Variants in RAI1 observed in about 807,000 individuals in gnomAD.
The protein encoded by RAI1 is retinoic acid induced 1.
A neutral mutation model predicts 123.8 loss-of-function variants in RAI1; 9 were observed. That is an observed-to-expected ratio of 0.07 (90% CI 0.04 to 0.13). RAI1 has a LOEUF of 0.13. RAI1 is among the 10% of genes least tolerant of loss of function. The pLI is 1.00. For missense variants in RAI1, 2,256 were observed against 2,545.8 expected (o/e 0.89, Z 2.45); for synonymous variants, 1,231 against 1,127.3 (o/e 1.09, Z -1.84).
Position 17,714,321 on chromosome 17 carries a change from T to A in RAI1, c.-148-9707T>A, listed in dbSNP as rs1462822473. On this transcript the variant is annotated intron_variant, in intron 1 of 5. Coordinates refer to ENST00000353383, the MANE Select transcript of RAI1 (RefSeq NM_030665.4). The surrounding 1 kb of genome is among the most constrained non-coding windows in gnomAD (Gnocchi z 4.9). Reference sequence around the variant, plus strand: ...AGCAGCCCAGAGCCTGTGTCGGTGGTCATTCAGCTCTCGGGACAAAGCGTG... The same window carrying A: ...AGCAGCCCAGAGCCTGTGTCGGTGGACATTCAGCTCTCGGGACAAAGCGTG... 6.6e-6 allele frequency among the ~76,000 whole-genome samples: 1 copy of A among 152,032 alleles called. No individual in the cohort carries two copies. Among genetic ancestry groups the A allele is most frequent in the Admixed American group, 6.6e-5 (1 of 15,266 alleles).
rs1231017177 is a variant in RAI1, at chr17:17,811,437, A to G, written c.*1456A>G. ...AAAAAAAAAAGTCAATAAAGATACA[A>G]CGATTGTTTTGGAAAATCTGCAGCC... On this transcript the variant is annotated 3_prime_UTR_variant, in exon 6 of 6. Transcript: ENST00000353383. 3 of 232,822 alleles carry G rather than the reference A, an allele frequency of 1.3e-5. No individual in the cohort carries two copies. The highest frequency in any genetic ancestry group is 2.5e-5 in the African/African-American group (1 of 40,758). The allele number at this position is 232,822 out of a possible 1,614,324, so 14.4% of individuals were successfully genotyped here.
At chr17:17,688,817 C>G (rs1210534339) in intron 1 of RAI1, among the ~76,000 whole-genome samples, 1 of 152,074 alleles carries the variant, frequency 6.6e-6, no homozygotes, top group African/African-American at 2.4e-5. Flanking sequence ...TCAGGCTGGT[C>G]TCAAACTCCT....
chr17:17,749,512 T>C (rs760974997), intron 2 of RAI1, among the ~76,000 whole-genome samples: 4 of 152,270 alleles, frequency 2.6e-5, no homozygotes, highest in Non-Finnish European at 4.4e-5. Flanking sequence ...GAGAGGCTAT[T>C]AGCATGGCCA....
At chr17:17,694,815 C>T (rs1914961770) in intron 1 of RAI1, among the ~76,000 whole-genome samples, 2 of 150,704 alleles carry the variant, frequency 1.3e-5, no homozygotes, top group Non-Finnish European at 3.0e-5. Context: ...CGGCATGCTT[C>T]GCGGGGCCGC....
intron 2 of RAI1, among the ~76,000 whole-genome samples, chr17:17,776,125 G>A (rs1341692466): frequency 2.6e-5 from 4 of 152,190 alleles, no homozygotes; most frequent in African/African-American, 4.8e-5. Flanking sequence ...ATTGCAGGAC[G>A]CAGGGGAGCT....
intron 1 of RAI1, among the ~76,000 whole-genome samples, chr17:17,701,754 C>T (rs567990721): frequency 6.6e-6 from 1 of 152,308 alleles, no homozygotes; most frequent in South Asian, 2.1e-4. Context: ...CACCACCATG[C>T]CTGGTTGCCC....
chr17:17,700,781 C>T (rs1241997452), intron 1 of RAI1, among the ~76,000 whole-genome samples: 2 of 152,148 alleles, frequency 1.3e-5, no homozygotes, highest in Non-Finnish European at 2.9e-5. Context: ...TCCGCTCGCC[C>T]GCTCCCCGGC....
chr17:17,775,101 T>C (rs2031289193), intron 2 of RAI1, among the ~76,000 whole-genome samples: 2 of 152,132 alleles, frequency 1.3e-5, no homozygotes, highest in Admixed American at 1.3e-4. Context: ...ATGAAAACAT[T>C]GTAACACATG....
intron 2 of RAI1, among the ~76,000 whole-genome samples, chr17:17,776,069 G>T (rs2031333206): frequency 6.6e-6 from 1 of 152,214 alleles, no homozygotes; most frequent in African/African-American, 2.4e-5. Flanking sequence ...CCTCTTGGGG[G>T]CTGTTTCCTC....
At chr17:17,808,412 T>A (rs995636508) in intron 4 of RAI1, among the ~76,000 whole-genome samples, 42 of 50,952 alleles carry the variant, frequency 8.2e-4, no homozygotes, top group Middle Eastern at 7.5e-3. Flanking sequence ...TTATTTTATT[T>A]TATTATTTTA....
chr17:17,719,994 G>A (rs1029430526), intron 1 of RAI1, among the ~76,000 whole-genome samples: 15 of 152,148 alleles, frequency 9.9e-5, no homozygotes, highest in Non-Finnish European at 1.0e-4. Flanking sequence ...GCTTGAATGC[G>A]ACTTCTGGGT....
At chr17:17,789,829 G>A (rs1314022117) in intron 2 of RAI1, among the ~76,000 whole-genome samples, 1 of 152,192 alleles carries the variant, frequency 6.6e-6, no homozygotes, top group African/African-American at 2.4e-5. Context: ...CGGATGGATG[G>A]GAATGAGTGG....
intron 2 of RAI1, among the ~76,000 whole-genome samples, chr17:17,787,541 G>A (rs952247273): frequency 1.3e-5 from 2 of 152,222 alleles, no homozygotes; most frequent in Non-Finnish European, 2.9e-5. Context: ...CTTCCCTGGG[G>A]GGCCTAGGAA....
rs1253067893 is a variant in RAI1, at chr17:17,720,818, G to A, written c.-148-3210G>A. Among the ~76,000 whole-genome samples, 3 of 152,138 alleles carry A rather than the reference G, an allele frequency of 2.0e-5. No homozygotes were observed. The East Asian group carries it at 5.8e-4, about 29-fold the overall frequency. On this transcript the variant is annotated intron_variant, in intron 1 of 5. Coordinates refer to ENST00000353383, the MANE Select transcript of RAI1 (RefSeq NM_030665.4). Reference sequence around the variant, plus strand: ...TGATACCACTTGTGGAAGGGCCCTGGCCAGGTCAGGGTTTCCATCACCCTC... The same window carrying A: ...TGATACCACTTGTGGAAGGGCCCTGACCAGGTCAGGGTTTCCATCACCCTC...
chr17:17,803,972 G>A, intron 4 of RAI1, 123 bp downstream of exon 4: 2 of 944,528 alleles, frequency 2.1e-6, no homozygotes, highest in Admixed American at 3.9e-5. Context: ...CTCCTCTCTT[G>A]CCCCAGCAAT....
Position 17,809,442 on chromosome 17 carries a change from A to AG in RAI1, c.5709+7dup. The AG allele has an allele frequency of 6.3e-7, 1 of 1,594,230 alleles. No individual in the cohort carries two copies. Among genetic ancestry groups the AG allele is most frequent in the Non-Finnish European group, 8.6e-7 (1 of 1,162,166 alleles). On this transcript the variant is annotated splice_donor_region_variant and intron_variant, in intron 5 of 5. Transcript: ENST00000353383. This position sits in a 1 kb window ranked among gnomAD's most constrained non-coding sequence, Gnocchi z 4.9. ...CTTTGAAATGTCCCAAACATAAGGT[A>AG]GGGGACCACAGTGTTTTGTAGGGCG...
intron 2 of RAI1, among the ~76,000 whole-genome samples, chr17:17,787,438 T>G (rs1567907473): frequency 6.6e-6 from 1 of 152,210 alleles, no homozygotes; most frequent in East Asian, 1.9e-4. Context: ...CGCTTTTTGT[T>G]CAGTGGTGAA....
chr17:17,802,831 C>T (rs1476292651), intron 3 of RAI1, among the ~76,000 whole-genome samples: 1 of 152,106 alleles, frequency 6.6e-6, no homozygotes, highest in Non-Finnish European at 1.5e-5. Flanking sequence ...CACCTGTAAT[C>T]CCAGCACTTT....
intron 1 of RAI1, among the ~76,000 whole-genome samples, chr17:17,683,345 C>A (rs1043795545): frequency 6.6e-6 from 1 of 152,182 alleles, no homozygotes; most frequent in East Asian, 1.9e-4. Flanking sequence ...CCCCTGCCCC[C>A]CTCCATTCTC....
Sources: gnomAD v4.1 joint callset for allele counts (sites outside exome capture counted in the v4.1 genomes callset) on GRCh38, gnomAD v4.1.1 for gene constraint, Gnocchi (gnomAD v3.1) non-coding constraint, MANE v1.5 for transcripts, NCBI Gene and HGNC (gene_info 2026-07-23, HGNC 2026-07-21) for gene names.